Variants in PCDHGB4 observed in about 807,000 individuals in gnomAD.
The protein encoded by PCDHGB4 is protocadherin gamma-B4.
PCDHGB4 carries 38 observed loss-of-function variants against 60.5 expected under a neutral mutation model. That is an observed-to-expected ratio of 0.63 (90% CI 0.48 to 0.82). The LOEUF is 0.82. PCDHGB4 is among the 40% of genes least tolerant of loss of function. The pLI is 0.00. For synonymous variants in PCDHGB4, 456 were observed against 509.7 expected (o/e 0.89, Z 1.42); for missense variants, 1,109 against 1,209.6 (o/e 0.92, Z 1.23).
intron 1 of PCDHGB4, among the ~76,000 whole-genome samples, chr5:141,481,095 C>T (rs1456056389): frequency 1.3e-5 from 2 of 152,120 alleles, no homozygotes; most frequent in African/African-American, 2.4e-5. Context: ...AAAAGCAGTA[C>T]TCTGGAACCT....
intron 1 of PCDHGB4, among the ~76,000 whole-genome samples, chr5:141,457,822 C>A (rs1477393535): frequency 6.6e-6 from 1 of 152,178 alleles, no homozygotes; most frequent in Non-Finnish European, 1.5e-5. Context: ...AAGATAAACT[C>A]AGAGCTTCCA....
rs558513172 is a variant in PCDHGB4 at position 141,424,015 on chromosome 5, A to T, written c.2397+33734A>T. The T allele has an allele frequency of 3.0e-5, 32 of 1,060,896 alleles. No individual in the cohort carries two copies. The Admixed American group carries it at 3.2e-4, about 11-fold the overall frequency. The allele number at this position is 1,060,896 out of a possible 1,614,324, so 65.7% of individuals were successfully genotyped here. A position where few individuals can be genotyped will look rare whatever the true frequency, so the allele number is the denominator to read the frequency against. ...TATTATATATAGATACAAATTAATGATTCACAAACACTTTTTATTTCCATT... is the reference window on the plus strand; with the variant it reads ...TATTATATATAGATACAAATTAATGTTTCACAAACACTTTTTATTTCCATT... On this transcript the variant is annotated intron_variant, in intron 1 of 3. Transcript: ENST00000519479.
chr5:141,475,823 T>C (rs2099373850), intron 1 of PCDHGB4: 1 of 360,288 alleles, frequency 2.8e-6, no homozygotes, highest in Non-Finnish European at 5.0e-6. Context: ...TTCCTGGCGC[T>C]AGCGCGTGTC....
chr5:141,471,044 CT>C (rs1432278092), intron 1 of PCDHGB4, among the ~76,000 whole-genome samples: 3 of 136,442 alleles, frequency 2.2e-5, no homozygotes. Flanking sequence ...AGCCCAAGCC[CT>C]CTTTTTTTTT....
Position 141,477,289 on chromosome 5 carries a change from T to G in PCDHGB4, c.2398-17518T>G, listed in dbSNP as rs759477848. On this transcript the variant is annotated intron_variant, in intron 1 of 3. Coordinates refer to ENST00000519479, the MANE Select transcript of PCDHGB4 (RefSeq NM_003736.4). The surrounding 1 kb of genome is among the most constrained non-coding windows in gnomAD (Gnocchi z 4.9). ...AGAACGGGCTGGTGACCTGCGAAGT[T>G]CCACCGGGTCTCCCTTTCAGCCTTA... The G allele has an allele frequency of 3.2e-5, 52 of 1,614,046 alleles. No individual in the cohort carries two copies. Among genetic ancestry groups the G allele is most frequent in the Non-Finnish European group, 4.2e-5 (50 of 1,180,040 alleles).
chr5:141,478,716 G>T, intron 1 of PCDHGB4: 1 of 1,545,206 alleles, frequency 6.5e-7, no homozygotes. Flanking sequence ...TGAGATGGTG[G>T]CCTGCCAGAG....
chr5:141,399,665 A>T, intron 1 of PCDHGB4: 14 of 1,613,648 alleles, frequency 8.7e-6, no homozygotes, highest in Non-Finnish European at 1.2e-5. Flanking sequence ...GTGTTCGCGC[A>T]GCGCGCCTTT....
chr5:141,480,112 C>T (rs531082602), intron 1 of PCDHGB4, among the ~76,000 whole-genome samples: 2 of 152,190 alleles, frequency 1.3e-5, no homozygotes, highest in Admixed American at 1.3e-4. Flanking sequence ...TAGCATGGTG[C>T]CTGGCATATC....
chr5:141,502,601 A>G (rs2099815205), intron 2 of PCDHGB4, among the ~76,000 whole-genome samples: 1 of 152,218 alleles, frequency 6.6e-6, no homozygotes, highest in Non-Finnish European at 1.5e-5. Flanking sequence ...ATATTTTAAA[A>G]TATTTGTGAA....
chr5:141,505,597 T>C, intron 3 of PCDHGB4, 116 bp downstream of exon 3: 1 of 1,558,330 alleles, frequency 6.4e-7, no homozygotes, highest in Non-Finnish European at 8.7e-7. Context: ...TCCAGATCTT[T>C]CGGCAGGTCT....
intron 2 of PCDHGB4, among the ~76,000 whole-genome samples, chr5:141,498,944 A>G (rs1249475504): frequency 7.2e-6 from 1 of 139,096 alleles, no homozygotes; most frequent in Non-Finnish European, 1.6e-5. Flanking sequence ...AAAGAAAGAA[A>G]GAAAAAGAGA....
chr5:141,419,386 G>A (rs2096372901), intron 1 of PCDHGB4: 1 of 1,613,650 alleles, frequency 6.2e-7, no homozygotes, highest in Non-Finnish European at 8.5e-7. Context: ...CCGTGAGCGC[G>A]CAGAGCGGGG....
chr5:141,452,584 T>C (rs992607928), intron 1 of PCDHGB4, among the ~76,000 whole-genome samples: 1 of 152,182 alleles, frequency 6.6e-6, no homozygotes, highest in Non-Finnish European at 1.5e-5. Context: ...TTTCCATCTT[T>C]GTATTTTTAT....
rs545310006 is a variant in PCDHGB4 at position 141,395,123 on chromosome 5, T to C, written c.2397+4842T>C. ...ACTCGCGGAAGAGTCACCTGATCTTTCCCCAGCCCAACTACGCAGACATGC... is the reference window on the plus strand; with the variant it reads ...ACTCGCGGAAGAGTCACCTGATCTTCCCCCAGCCCAACTACGCAGACATGC... On this transcript the variant is annotated intron_variant, in intron 1 of 3. Coordinates refer to ENST00000519479, the MANE Select transcript of PCDHGB4 (RefSeq NM_003736.4). 2.5e-6 allele frequency: 4 copies of C among 1,614,148 alleles called. No homozygotes were observed. In the Admixed American group the frequency reaches 6.7e-5, roughly 27 times the overall value.
Position 141,389,910 on chromosome 5 carries a change from C to A in PCDHGB4, c.2026C>A (p.Arg676Ser). 3 of 1,614,080 alleles carry A rather than the reference C, an allele frequency of 1.9e-6. No individual in the cohort carries two copies. Among genetic ancestry groups the A allele is most frequent in the Non-Finnish European group, 2.5e-6 (3 of 1,179,906 alleles). ...GGAGGTGCTGCCGGATATCACTGAC[C>A]GCCCCGACCCCTCTGACCTCCAGGC... The part of the protein sequence containing the change: ...LQEVLPDITD[R>S]PDPSDLQAEL... The change falls in exon 1 of 4, where the codon CGC becomes AGC. Residue 676 changes from arginine to serine, a missense_variant. Coordinates refer to ENST00000519479, the MANE Select transcript of PCDHGB4 (RefSeq NM_003736.4).
At chr5:141,394,802 C>G (rs773531449) in intron 1 of PCDHGB4, 1 of 1,613,810 alleles carries the variant, frequency 6.2e-7, no homozygotes, top group South Asian at 1.1e-5. Context: ...TCACCGTAGC[C>G]GTGGCTGACA....
intron 1 of PCDHGB4, chr5:141,392,130 A>T (rs770884253): frequency 6.6e-6 from 1 of 152,238 alleles, no homozygotes; most frequent in African/African-American, 2.4e-5. Context: ...TTGTAAAATG[A>T]TTAAGTAGTT....
intron 1 of PCDHGB4, chr5:141,422,056 G>A: frequency 8.7e-6 from 14 of 1,611,934 alleles, no homozygotes; most frequent in Non-Finnish European, 1.2e-5. Flanking sequence ...AATCAACGGG[G>A]AAGTAATGTA....
At chr5:141,427,401 G>A (rs2097022075) in intron 1 of PCDHGB4, 1 of 461,400 alleles carries the variant, frequency 2.2e-6, no homozygotes, top group Non-Finnish European at 4.3e-6. Flanking sequence ...ACATGATAAA[G>A]ATTCGAGAGA....
Sources: allele counts gnomAD v4.1 joint callset (sites outside exome capture counted in the v4.1 genomes callset), GRCh38; gene constraint gnomAD v4.1.1; non-coding constraint Gnocchi (gnomAD v3.1); transcripts MANE v1.5; gene names NCBI Gene and HGNC (gene_info 2026-07-23, HGNC 2026-07-21).